Variants in GCKR observed in about 807,000 individuals in gnomAD.
GCKR encodes the protein glucokinase regulator.
GCKR carries 73 observed loss-of-function variants against 82.9 expected under a neutral mutation model. The observed-to-expected ratio is 0.88, with a 90% CI of 0.73 to 1.07. The LOEUF is 1.07. GCKR is among the 50% of genes least tolerant of loss of function. The pLI is 0.00. For missense variants in GCKR, 784 were observed against 782.1 expected (o/e 1.00, Z -0.03); for synonymous variants, 294 against 291.8 (o/e 1.01, Z -0.08).
chr2:27,499,084 T>TA, intron 5 of GCKR, 58 bp from the exon 6 acceptor site: 1 of 1,004,520 alleles, frequency 1.0e-6, no homozygotes, highest in Non-Finnish European at 1.6e-6. Context: ...CCTGCCCTAA[T>TA]ACGCCATAGG....
intron 9 of GCKR, among the ~76,000 whole-genome samples, chr2:27,505,457 A>G (rs1436098565): frequency 6.6e-6 from 1 of 151,950 alleles, no homozygotes. Flanking sequence ...AAGCACTCTG[A>G]AAAACCCTTG....
rs371250239 is a variant in GCKR, at chr2:27,506,874, C to T, written c.1055C>T (p.Thr352Ile). ...ATGGATGGAGTAGAGTGCATCCACA[C>T]CTTTGGTGCTGGTGGGACCCCAGTC... ...AIMDGVECIHTFGADFRDVRG... is the reference protein window; with the variant it reads ...AIMDGVECIHIFGADFRDVRG... The change falls in exon 12 of 19, where the codon ACC becomes ATC. Residue 352 changes from threonine to isoleucine, a missense_variant. Coordinates refer to ENST00000264717, the MANE Select transcript of GCKR (RefSeq NM_001486.4). The T allele has an allele frequency of 2.5e-6, 4 of 1,600,432 alleles. No homozygotes were observed. Among genetic ancestry groups the T allele is most frequent in the South Asian group, 1.1e-5 (1 of 90,810 alleles).
At chr2:27,505,946 C>T in intron 10 of GCKR, 110 bp downstream of exon 10, 1 of 761,838 alleles carries the variant, frequency 1.3e-6, no homozygotes, top group Non-Finnish European at 2.4e-6. Context: ...AGTAAGACTG[C>T]AGCCCACCAC....
Position 27,505,700 on chromosome 2 carries a change from G to A in GCKR, c.751-18G>A, listed in dbSNP as rs1412454429. On this transcript the variant is annotated intron_variant, in intron 9 of 18. Transcript: ENST00000264717. ...TTCATCCTCTCCCAATTCCTCTTGG[G>A]TGTCTTCACCTCTTCAGCCCGAGGG... 2 of 1,381,860 alleles carry A rather than the reference G, an allele frequency of 1.4e-6. No homozygotes were observed. Among genetic ancestry groups the A allele is most frequent in the Admixed American group, 1.7e-5 (1 of 59,734 alleles). 85.6% of individuals were successfully genotyped at this position (1,381,860 alleles called of 1,614,324 possible).
chr2:27,507,600 C>T (rs2148585643), intron 13 of GCKR, 81 bp from the exon 14 acceptor site: 4 of 813,688 alleles, frequency 4.9e-6, no homozygotes, highest in African/African-American at 3.4e-5. Flanking sequence ...GTTAGATCTC[C>T]TCCACGGCCC....
chr2:27,518,700 GGTTT>G lies in GCKR; in HGVS notation c.1423-87_1423-84del. 2.8e-6 allele frequency: 3 copies of G among 1,068,622 alleles called. No homozygotes were observed. The South Asian group carries it at 3.8e-5, about 13-fold the overall frequency. The allele number at this position is 1,068,622 out of a possible 1,614,324, so 66.2% of individuals were successfully genotyped here. Reference sequence around the variant, plus strand: ...TTTTGGTCCCTGGTTCTTGACAGTTGGTTTCCTGTCTGATAACAGGGCCCTGTTC... The same window carrying G: ...TTTTGGTCCCTGGTTCTTGACAGTTGCCTGTCTGATAACAGGGCCCTGTTC... On this transcript the variant is annotated intron_variant, in intron 16 of 18. Coordinates refer to ENST00000264717, the MANE Select transcript of GCKR (RefSeq NM_001486.4).
At chr2:27,498,460 C>G in intron 4 of GCKR, 137 bp downstream of exon 4, 1 of 704,104 alleles carries the variant, frequency 1.4e-6, no homozygotes, top group Non-Finnish European at 2.5e-6. Flanking sequence ...TTTCTCTCTT[C>G]CAAAAGCTAG....
In GCKR at chr2:27,513,933, G is replaced by C. The variant is rs936028605; in HGVS notation, c.1423-4855G>C. On this transcript the variant is annotated intron_variant, in intron 16 of 18. Coordinates refer to ENST00000264717, the MANE Select transcript of GCKR (RefSeq NM_001486.4). ...TTTGTGTGTGTGTGTGTGTGTGTGT[G>C]TGTGTGTGTGTGTGTAACAATAGTT... Among the ~76,000 whole-genome samples, 9 of 151,688 alleles carry C rather than the reference G, an allele frequency of 5.9e-5. No homozygotes were observed. The East Asian group carries it at 1.4e-3, about 23-fold the overall frequency.
At chr2:27,498,129 C>T (rs994886627) in intron 3 of GCKR, 126 bp from the exon 4 acceptor site, 7 of 754,128 alleles carry the variant, frequency 9.3e-6, no homozygotes, top group Non-Finnish European at 1.6e-5. Flanking sequence ...TGTATTTGTT[C>T]AATTTTGTGA....
intron 16 of GCKR, chr2:27,509,682 C>A: frequency 5.8e-6 from 1 of 173,534 alleles, no homozygotes; most frequent in South Asian, 1.1e-4. Flanking sequence ...ATTTTAACAG[C>A]CATACATTTT....
In GCKR at chr2:27,506,591, T is replaced by C. The variant is rs1558437398; in HGVS notation, c.968+12T>C. On this transcript the variant is annotated intron_variant, in intron 11 of 18. Coordinates refer to ENST00000264717, the MANE Select transcript of GCKR (RefSeq NM_001486.4). The stretch of plus-strand genomic sequence containing the variant: ...AGTGTCAGCACCAGGTGTGTGGATA[T>C]GTGTTTAGAGGTGAGGATGTGGCCC... The C allele has an allele frequency of 6.3e-7, 1 of 1,580,240 alleles. No individual in the cohort carries two copies. Among genetic ancestry groups the C allele is most frequent in the Non-Finnish European group, 8.7e-7 (1 of 1,149,026 alleles).
chr2:27,499,258 CATGGGG>C (rs1261184316), intron 6 of GCKR, 50 bp downstream of exon 6: 3 of 1,429,192 alleles, frequency 2.1e-6, no homozygotes, highest in Non-Finnish European at 3.0e-6. Context: ...TGTTCCTTCT[CATGGGG>C]ACATAAAAGC....
Position 27,498,324 on chromosome 2 carries a change from G to A in GCKR, c.354+1G>A, listed in dbSNP as rs2293573. On this transcript the variant is annotated splice_donor_variant, in intron 4 of 18. Coordinates refer to ENST00000264717, the MANE Select transcript of GCKR (RefSeq NM_001486.4). LOFTEE classifies it high-confidence loss of function. ...TGGCCGGATGGCATTCCTCATGTCG[G>A]TGAGCACCCTGGTCTCCAGTTTTCT... The A allele has an allele frequency of 1.9e-5, 30 of 1,609,444 alleles. No homozygotes were observed. In the East Asian group the frequency reaches 6.2e-4, roughly 33 times the overall value.
In GCKR at chr2:27,499,459, A is replaced by C. The variant is rs745724467; in HGVS notation, c.549+9A>C. The C allele has an allele frequency of 2.5e-6, 4 of 1,590,198 alleles. No individual in the cohort carries two copies. On this transcript the variant is annotated intron_variant, in intron 7 of 18. Coordinates refer to ENST00000264717, the MANE Select transcript of GCKR (RefSeq NM_001486.4). ...TTTCTGTGGGACTCTCTGTGAGTAAAAAGATGGGTTGAGTGGATCAATTTT... is the reference window on the plus strand; with the variant it reads ...TTTCTGTGGGACTCTCTGTGAGTAACAAGATGGGTTGAGTGGATCAATTTT...
Position 27,503,606 on chromosome 2 carries a change from AT to A in GCKR, c.738del (p.Pro247LeufsTer14). On this transcript the variant is annotated frameshift_variant, in exon 9 of 19. Coordinates refer to ENST00000264717, the MANE Select transcript of GCKR (RefSeq NM_001486.4). LOFTEE classifies it high-confidence loss of function. Reference sequence around the variant, plus strand: ...GAGAAACAGAAAGCTTTTGTGCTCAATCCTGCCATCGGGGTAGGGCCTCTCC... The same window carrying A: ...GAGAAACAGAAAGCTTTTGTGCTCAACCTGCCATCGGGGTAGGGCCTCTCC... The part of the protein sequence containing the change: ...MQEKQKAFVL[N>X]PAIGPEGLSG... The A allele has an allele frequency of 6.3e-7, 1 of 1,588,696 alleles. No individual in the cohort carries two copies. The highest frequency in any genetic ancestry group is 8.6e-7 in the Non-Finnish European group (1 of 1,156,778).
At position 27,518,751 on chromosome 2, in the gene GCKR, C is replaced by CT. The variant is rs1266036047; in HGVS notation, c.1423-36dup. The stretch of plus-strand genomic sequence containing the variant: ...GTTCACTCTGCTGCTTTTCTGTCCT[C>CT]TAATTTTTGACACCCCCATGTGTCT... On this transcript the variant is annotated intron_variant, in intron 16 of 18. Coordinates refer to ENST00000264717, the MANE Select transcript of GCKR (RefSeq NM_001486.4). The CT allele has an allele frequency of 1.9e-6, 3 of 1,587,744 alleles. No individual in the cohort carries two copies. The South Asian group carries it at 3.3e-5, about 18-fold the overall frequency.
intron 16 of GCKR, among the ~76,000 whole-genome samples, chr2:27,510,088 A>G (rs1669845491): frequency 1.3e-5 from 2 of 151,744 alleles, no homozygotes; most frequent in Non-Finnish European, 2.9e-5. Flanking sequence ...CGCTCACTGC[A>G]AGCTCTGTCT....
At chr2:27,502,063 C>T (rs527726792) in intron 8 of GCKR, among the ~76,000 whole-genome samples, 39 of 152,150 alleles carry the variant, frequency 2.6e-4, no homozygotes, top group Non-Finnish European at 4.3e-4. Context: ...GGCTTCCTGA[C>T]ACCAGAGGGA....
intron 16 of GCKR, among the ~76,000 whole-genome samples, chr2:27,514,933 C>T (rs2148590117): frequency 6.6e-6 from 1 of 152,162 alleles, no homozygotes; most frequent in African/African-American, 2.4e-5. Flanking sequence ...ATTAGAAATG[C>T]CACTTCTGTG....
Sources: gnomAD v4.1 joint callset for allele counts (sites outside exome capture counted in the v4.1 genomes callset) on GRCh38, gnomAD v4.1.1 for gene constraint, MANE v1.5 for transcripts, NCBI Gene and HGNC (gene_info 2026-07-23, HGNC 2026-07-21) for gene names.